The following DNAH6 variants were observed in gnomAD, a reference collection of about 807,000 sequenced individuals.
DNAH6 encodes dynein axonemal heavy chain 6.
Under a neutral mutation model 491.4 loss-of-function variants are expected in DNAH6, and 340 were observed. The observed-to-expected ratio is 0.69, with a 90% CI of 0.63 to 0.76. DNAH6 has a LOEUF of 0.76. Ranked by LOEUF, DNAH6 falls within the 30% of genes least tolerant of loss-of-function variation. The pLI, the probability that DNAH6 is intolerant of heterozygous loss-of-function variation, is 0.00. For missense variants in DNAH6, 4,443 were observed against 4,972.2 expected (o/e 0.89, Z 3.20); for synonymous variants, 1,603 against 1,686.1 (o/e 0.95, Z 1.21).
chr2:84,479,389 A>G, the DNAH6 span, among the ~76,000 whole-genome samples: 18 of 152,132 alleles, frequency 1.2e-4, no homozygotes, highest in African/African-American at 4.3e-4. Flanking sequence ...CCATTCTTCC[A>G]CCACTTCTCT....
At chr2:84,619,435 A>G (rs948275510) in intron 23 of DNAH6, among the ~76,000 whole-genome samples, 1 of 152,174 alleles carries the variant, frequency 6.6e-6, no homozygotes, top group Non-Finnish European at 1.5e-5. Flanking sequence ...TTTTATGAAC[A>G]ATATCTATCT....
intron 2 of DNAH6, among the ~76,000 whole-genome samples, chr2:84,523,303 T>G (rs1306190590): frequency 6.6e-6 from 1 of 152,082 alleles, no homozygotes; most frequent in Non-Finnish European, 1.5e-5. Context: ...ATAATATCCC[T>G]TTTGTCATTT....
At position 84,677,019 on chromosome 2, in the gene DNAH6, A is replaced by G. The variant is rs983283767; in HGVS notation, c.6627A>G (p.Ile2209Met). The part of the protein sequence containing the change: ...FWKEIQDVTI[I>M]SACAPPGGGR... ...TCTGCACACAGGATGTAACAATCATATCGGCATGTGCACCTCCAGGCGGTG... is the reference window on the plus strand; with the variant it reads ...TCTGCACACAGGATGTAACAATCATGTCGGCATGTGCACCTCCAGGCGGTG... Residue 2209 changes from isoleucine (I) to methionine (M), a missense_variant, in exon 41 of 77, where the codon ATA becomes ATG. By Grantham distance (10) the Ile-to-Met change is conservative. Around this residue, in one of 3 missense-constraint regions of DNAH6, gnomAD observed 2,977 missense variants for 3,296.6 expected, o/e 0.90. Coordinates refer to ENST00000389394, the MANE Select transcript of DNAH6 (RefSeq NM_001370.2). 9.0e-6 allele frequency: 14 copies of G among 1,551,844 alleles called. No individual in the cohort carries two copies. The Admixed American group carries it at 2.0e-4, about 22-fold the overall frequency.
chr2:84,667,123 T>G (rs905904888), intron 37 of DNAH6, among the ~76,000 whole-genome samples: 20 of 152,156 alleles, frequency 1.3e-4, no homozygotes, highest in African/African-American at 4.8e-4. Flanking sequence ...ACTTAAATGT[T>G]AGACCTAAAA....
the DNAH6 span, among the ~76,000 whole-genome samples, chr2:84,493,515 T>A: frequency 6.6e-6 from 1 of 152,178 alleles, no homozygotes; most frequent in Non-Finnish European, 1.5e-5. Flanking sequence ...TAAAGTCAAA[T>A]TTATAAAAGA....
Position 84,814,026 on chromosome 2 carries a change from C to CA in DNAH6, c.12057dup (p.Tyr4020IlefsTer36). 1 of 1,551,668 alleles carries CA rather than the reference C, an allele frequency of 6.4e-7. No individual in the cohort carries two copies. The highest frequency in any genetic ancestry group is 8.7e-7 in the Non-Finnish European group (1 of 1,146,950). On this transcript the variant is annotated frameshift_variant, in exon 75 of 77. Transcript: ENST00000389394. LOFTEE classifies it high-confidence loss of function. ...ATTTGCCTATAGATGAGCTGAGTTT[C>CA]AAATACAGCGTAATTCCCACCTATC...
the DNAH6 span, among the ~76,000 whole-genome samples, chr2:84,494,971 TAGCA>T: frequency 6.6e-6 from 1 of 152,118 alleles, no homozygotes; most frequent in South Asian, 2.1e-4. Flanking sequence ...ACACCTTGAA[TAGCA>T]AGCTGCTGTG....
chr2:84,704,301 A>T lies in DNAH6; in HGVS notation c.8464A>T (p.Lys2822Ter). 1 of 1,546,814 alleles carries T rather than the reference A, an allele frequency of 6.5e-7. No homozygotes were observed. The highest frequency in any genetic ancestry group is 2.4e-5 in the East Asian group (1 of 40,900). Residue 2822 changes from lysine (K) to a stop codon, truncating the protein, a stop_gained and splice_region_variant, in exon 51 of 77, where the codon AAG becomes TAG. Coordinates refer to ENST00000389394, the MANE Select transcript of DNAH6 (RefSeq NM_001370.2). LOFTEE classifies it high-confidence loss of function. Reference protein sequence around the residue: ...MEAISILLNAKPDWPSAKQLL... With the variant: ...MEAISILLNA ...AGCAATCTCCATTCTTTTGAATGCCAAGTGAGTAATTCAGAGTCATGTATT... is the reference window on the plus strand; with the variant it reads ...AGCAATCTCCATTCTTTTGAATGCCTAGTGAGTAATTCAGAGTCATGTATT...
chr2:84,625,184 G>A (rs1349264785), intron 29 of DNAH6, 121 bp downstream of exon 29: 1 of 911,546 alleles, frequency 1.1e-6, no homozygotes. Flanking sequence ...AAGAAATGGG[G>A]TAAATAATGG....
At chr2:84,735,750 T>A (rs1699489438) in intron 62 of DNAH6, among the ~76,000 whole-genome samples, 1 of 152,180 alleles carries the variant, frequency 6.6e-6, no homozygotes, top group Non-Finnish European at 1.5e-5. Context: ...TGATTTAAGT[T>A]CTTTATAGAT....
At chr2:84,718,440 T>G in intron 59 of DNAH6, 56 bp downstream of exon 59, 7 of 1,377,424 alleles carry the variant, frequency 5.1e-6, no homozygotes, top group Non-Finnish European at 6.7e-6. Context: ...AAGTTATAAC[T>G]ACAGCCTTTG....
chr2:84,680,934 C>T (rs958674695), intron 41 of DNAH6, among the ~76,000 whole-genome samples: 5 of 152,074 alleles, frequency 3.3e-5, no homozygotes, highest in African/African-American at 1.2e-4. Context: ...TGAGGGAGTT[C>T]ACCATTGCAA....
At chr2:84,590,231 C>T in intron 16 of DNAH6, among the ~76,000 whole-genome samples, 1 of 152,022 alleles carries the variant, frequency 6.6e-6, no homozygotes. Context: ...CGCAGTGGCT[C>T]ACACCTGTAC....
At chr2:84,694,158 CTGGCCACCAGCCTT>C in intron 45 of DNAH6, 77 bp from the exon 46 acceptor site, 1 of 1,185,962 alleles carries the variant, frequency 8.4e-7, no homozygotes, top group Non-Finnish European at 1.2e-6. Flanking sequence ...GGAGGCTCCA[CTGGCCACCAGCCTT>C]TGGCTCTGGG....
At position 84,812,555 on chromosome 2, in the gene DNAH6, A is replaced by G. The variant is rs546201526; in HGVS notation, c.11925+29A>G. On this transcript the variant is annotated intron_variant, in intron 73 of 76. Transcript: ENST00000389394. ...AGAAAATTCCTTTCACTGGGTTTTG[A>G]TGAATCTGATGGCATAGTTGGCCTA... 8.5e-6 allele frequency: 13 copies of G among 1,535,472 alleles called. No individual in the cohort carries two copies. The African/African-American group carries it at 1.4e-4, about 16-fold the overall frequency.
chr2:84,701,164 A>G lies in DNAH6; in HGVS notation c.7886A>G (p.Glu2629Gly), dbSNP rs1483419604. ...FFSQVDAGNE[E>G]LKEKLPLMCV... ...TCACAAGTCGATGCTGGAAATGAAG[A>G]ACTGAAAGAAAAGCTTCCCTTGATG... The change falls in exon 49 of 77, where the codon GAA becomes GGA. Residue 2629 changes from glutamate to glycine, a missense_variant. Glu to Gly is a moderately conservative substitution (Grantham distance 98, BLOSUM62 -2). This residue lies in a region of DNAH6 where 2,977 missense variants were observed against 3,296.6 expected (regional missense o/e 0.90). Transcript: ENST00000389394. 7 of 1,551,856 alleles carry G rather than the reference A, an allele frequency of 4.5e-6. No individual in the cohort carries two copies. The highest frequency in any genetic ancestry group is 6.1e-6 in the Non-Finnish European group (7 of 1,147,002).
intron 4 of DNAH6, among the ~76,000 whole-genome samples, chr2:84,533,418 T>G (rs1431854904): frequency 6.6e-6 from 1 of 152,120 alleles, no homozygotes; most frequent in Admixed American, 6.6e-5. Context: ...TGCTCAAGGG[T>G]CATGTCTTAG....
At position 84,640,624 on chromosome 2, in the gene DNAH6, C is replaced by A; in HGVS notation, c.4970+46C>A. The stretch of plus-strand genomic sequence containing the variant: ...AGAGTGAAATCCCAAACCATGTGAT[C>A]AAATGCATTAAATGGGTAACTCAGG... On this transcript the variant is annotated intron_variant, in intron 32 of 76. Coordinates refer to ENST00000389394, the MANE Select transcript of DNAH6 (RefSeq NM_001370.2). The A allele has an allele frequency of 2.0e-6, 3 of 1,511,498 alleles. No homozygotes were observed. The South Asian group carries it at 3.8e-5, about 19-fold the overall frequency. The allele number at this position is 1,511,498 out of a possible 1,614,324, so 93.6% of individuals were successfully genotyped here.
intron 64 of DNAH6, among the ~76,000 whole-genome samples, chr2:84,780,234 C>T (rs1676549955): frequency 1.3e-5 from 2 of 152,156 alleles, no homozygotes; most frequent in African/African-American, 4.8e-5. Flanking sequence ...ATATGTTACC[C>T]GAGTTGTTTA....
Sources: gnomAD v4.1 joint callset for allele counts (sites outside exome capture counted in the v4.1 genomes callset) on GRCh38, gnomAD v4.1.1 for gene constraint, gnomAD v4.1.1 regional missense constraint, MANE v1.5 for transcripts, NCBI Gene and HGNC (gene_info 2026-07-23, HGNC 2026-07-21) for gene names.